FIBCD1: variants seen among roughly 807,000 people sequenced by gnomAD.
The protein encoded by FIBCD1 is fibrinogen C domain containing 1.
FIBCD1 carries 47 observed loss-of-function variants against 45.1 expected under a neutral mutation model. That is an observed-to-expected ratio of 1.04 (90% CI 0.82 to 1.33). The LOEUF is 1.33. Among genes scored for constraint, FIBCD1 ranks in the 40% most tolerant of loss-of-function variants. FIBCD1 has a pLI of 0.00. For synonymous variants in FIBCD1, 313 were observed against 308.1 expected (o/e 1.02, Z -0.17); for missense variants, 653 against 682.2 (o/e 0.96, Z 0.48).
chr9:130,934,343 G>A (rs922937473), intron 1 of FIBCD1, among the ~76,000 whole-genome samples: 1 of 152,228 alleles, frequency 6.6e-6, no homozygotes, highest in Non-Finnish European at 1.5e-5. Flanking sequence ...ACTTAGGAAG[G>A]GGGTCTGCAG....
At chr9:130,911,206 A>T (rs1446409729) in intron 5 of FIBCD1, among the ~76,000 whole-genome samples, 1 of 152,178 alleles carries the variant, frequency 6.6e-6, no homozygotes, top group African/African-American at 2.4e-5. Context: ...TAGACCACGA[A>T]CCCACCAGAA....
upstream of FIBCD1, among the ~76,000 whole-genome samples, chr9:130,939,966 G>A (rs1209945435): frequency 2.7e-5 from 4 of 149,692 alleles, no homozygotes; most frequent in Non-Finnish European, 3.0e-5. Context: ...CCCTTTCTGC[G>A]TCCCCATCTT....
rs1832353510 is a variant in FIBCD1 at position 130,926,069 on chromosome 9, T to C, written c.553-1673A>G. ...GCGTTTGGGTTTCACGGCAGCATCC[T>C]GTAGACGAGCTCCACTGGGCACGCC... On this transcript the variant is annotated intron_variant, in intron 2 of 6. Transcript: ENST00000372338. This position sits in a 1 kb window ranked among gnomAD's most constrained non-coding sequence, Gnocchi z 4.1. 6.6e-6 allele frequency among the ~76,000 whole-genome samples: 1 copy of C among 152,098 alleles called. No individual in the cohort carries two copies. The highest frequency in any genetic ancestry group is 1.5e-5 in the Non-Finnish European group (1 of 68,006).
chr9:130,923,960 C>T (rs924853872), intron 3 of FIBCD1, 80 bp from the exon 4 acceptor site: 57 of 1,595,312 alleles, frequency 3.6e-5, no homozygotes, highest in South Asian at 1.4e-4. Context: ...GTCTGTCCAT[C>T]GATAATGCAT....
intron 6 of FIBCD1, among the ~76,000 whole-genome samples, chr9:130,904,580 C>CT (rs1831893417): frequency 6.9e-6 from 1 of 145,512 alleles, no homozygotes; most frequent in Non-Finnish European, 1.5e-5. Context: ...TAGGCGGTCT[C>CT]TATCCCTCCC....
intron 1 of FIBCD1, among the ~76,000 whole-genome samples, chr9:130,934,645 G>A (rs1832492275): frequency 6.6e-6 from 1 of 152,146 alleles, no homozygotes. Context: ...TACAGCTCTG[G>A]CCTCCCAGAG....
At chr9:130,933,880 G>A (rs1216886549) in intron 1 of FIBCD1, 4 of 152,458 alleles carry the variant, frequency 2.6e-5, no homozygotes, top group Non-Finnish European at 4.4e-5. Context: ...GGAGGAAGAA[G>A]AAAGTTTCCC....
chr9:130,906,015 C>T (rs990356548), intron 5 of FIBCD1, among the ~76,000 whole-genome samples: 2 of 152,188 alleles, frequency 1.3e-5, no homozygotes, highest in African/African-American at 4.8e-5. Flanking sequence ...GTGGCATGTC[C>T]GACCTAGCCA....
chr9:130,933,736 G>GC (rs1478882748), intron 1 of FIBCD1: 21 of 143,422 alleles, frequency 1.5e-4, no homozygotes, highest in African/African-American at 5.0e-4. Context: ...GTGGGGGGGG[G>GC]GCGGCTCAGG....
chr9:130,928,671 G>A (rs1165380379), intron 2 of FIBCD1, among the ~76,000 whole-genome samples: 1 of 152,122 alleles, frequency 6.6e-6, no homozygotes, highest in African/African-American at 2.4e-5. Context: ...GGGCGGAAGG[G>A]GCTTGGGCGC....
chr9:130,928,243 A>C (rs1832389429), intron 2 of FIBCD1, among the ~76,000 whole-genome samples: 1 of 152,206 alleles, frequency 6.6e-6, no homozygotes, highest in Non-Finnish European at 1.5e-5. Flanking sequence ...TCTTGTGGGA[A>C]TACTCTGTAC....
At position 130,931,694 on chromosome 9, in the gene FIBCD1, TACAC is replaced by T. The variant is rs923469428; in HGVS notation, c.73-1652_73-1649del. 5.9e-5 allele frequency among the ~76,000 whole-genome samples: 9 copies of T among 152,234 alleles called. 2 individuals are homozygous for T. Among genetic ancestry groups the T allele is most frequent in the Admixed American group, 6.5e-5 (1 of 15,296 alleles). On this transcript the variant is annotated intron_variant, in intron 1 of 6. Transcript: ENST00000372338. The stretch of plus-strand genomic sequence containing the variant: ...AGACTCGCTCATGGCCCCTGAGCAT[TACAC>T]ACAAGGGAAAACTGAGGCCCAGAGA...
rs549749892 is a variant in FIBCD1, at chr9:130,935,686, G to A, written c.72+2850C>T. Among the ~76,000 whole-genome samples, 42 of 152,350 alleles carry A rather than the reference G, an allele frequency of 2.8e-4. 1 individual carries two copies. The East Asian group carries it at 6.0e-3, about 22-fold the overall frequency. The stretch of plus-strand genomic sequence containing the variant: ...ACACTGCAGTCCCAACTGGGGCTGA[G>A]TGGGCTGAACCAAGAAAGGGCGGCC... On this transcript the variant is annotated intron_variant, in intron 1 of 6. Coordinates refer to ENST00000372338, the MANE Select transcript of FIBCD1 (RefSeq NM_032843.5).
intron 1 of FIBCD1, among the ~76,000 whole-genome samples, chr9:130,933,022 G>A (rs1832464531): frequency 6.6e-6 from 1 of 152,126 alleles, no homozygotes; most frequent in African/African-American, 2.4e-5. Context: ...CCACACCCCT[G>A]CCCTATCTTG....
Position 130,922,539 on chromosome 9 carries a change from C to T in FIBCD1, c.849+1205G>A, listed in dbSNP as rs1367430818. Among the ~76,000 whole-genome samples, 2 of 152,000 alleles carry T rather than the reference C, an allele frequency of 1.3e-5. No individual in the cohort carries two copies. Among genetic ancestry groups the T allele is most frequent in the Admixed American group, 6.5e-5 (1 of 15,268 alleles). On this transcript the variant is annotated intron_variant, in intron 4 of 6. Transcript: ENST00000372338. The surrounding 1 kb of genome is among the most constrained non-coding windows in gnomAD (Gnocchi z 4.5). ...CAGCCTGTGGATGACAGGGCCAGAG[C>T]GTGGAACCTCCAGGCTCCCCGCCTC...
rs1287074778 is a variant in FIBCD1, at chr9:130,922,053, G to A, written c.849+1691C>T. ...GCTGACCCCTTTCAAAACTGACCCA[G>A]GCTGCCTGCACCCCTGCCTCCCCCA... On this transcript the variant is annotated intron_variant, in intron 4 of 6. Transcript: ENST00000372338. This position sits in a 1 kb window ranked among gnomAD's most constrained non-coding sequence, Gnocchi z 4.5. Among the ~76,000 whole-genome samples, 1 of 152,096 alleles carries A rather than the reference G, an allele frequency of 6.6e-6. No individual in the cohort carries two copies. The highest frequency in any genetic ancestry group is 6.5e-5 in the Admixed American group (1 of 15,282).
In FIBCD1 at chr9:130,922,773, C is replaced by T. The variant is rs1832284300; in HGVS notation, c.849+971G>A. On this transcript the variant is annotated intron_variant, in intron 4 of 6. Coordinates refer to ENST00000372338, the MANE Select transcript of FIBCD1 (RefSeq NM_032843.5). The surrounding 1 kb of genome is among the most constrained non-coding windows in gnomAD (Gnocchi z 4.5). The stretch of plus-strand genomic sequence containing the variant: ...CCTGCAGCCTGGGGCTGGAACACTC[C>T]AGCCTCATCTCATCACGCACCACAA... Among the ~76,000 whole-genome samples the T allele has an allele frequency of 6.6e-6, 1 of 152,118 alleles. No individual in the cohort carries two copies. The highest frequency in any genetic ancestry group is 1.5e-5 in the Non-Finnish European group (1 of 68,030).
At chr9:130,924,707 G>A (rs11244195) in intron 2 of FIBCD1, among the ~76,000 whole-genome samples, 34,983 of 152,154 alleles carry the variant, frequency 0.23, 4,541 homozygotes, top group East Asian at 0.53. Flanking sequence ...CCATCTCTTC[G>A]GCCCAGGGAA....
intron 4 of FIBCD1, among the ~76,000 whole-genome samples, chr9:130,912,445 G>A (rs1159730418): frequency 2.7e-5 from 4 of 146,984 alleles, no homozygotes; most frequent in South Asian, 2.2e-4. Context: ...GGTGACTCCC[G>A]CCTGTAATCC....
Sources: gnomAD v4.1 joint callset for allele counts (sites outside exome capture counted in the v4.1 genomes callset) on GRCh38, gnomAD v4.1.1 for gene constraint, Gnocchi (gnomAD v3.1) non-coding constraint, MANE v1.5 for transcripts, NCBI Gene and HGNC (gene_info 2026-07-23, HGNC 2026-07-21) for gene names.